The following PIK3C2G variants were observed in gnomAD, a reference collection of about 807,000 sequenced individuals.
PIK3C2G encodes phosphatidylinositol-4-phosphate 3-kinase catalytic subunit type 2 gamma.
Under a neutral mutation model 181.1 loss-of-function variants are expected in PIK3C2G, and 168 were observed. That is an observed-to-expected ratio of 0.93 (90% CI 0.82 to 1.05). The LOEUF (loss-of-function observed/expected upper bound fraction) is 1.05, where lower values mean the gene tolerates loss of function less well. Among genes scored for constraint, PIK3C2G ranks in the 50% least tolerant of loss-of-function variants. The pLI is 0.00. For missense variants in PIK3C2G, 1,869 were observed against 1,732.8 expected, an observed-to-expected ratio of 1.08 and a Z score of -1.40; for synonymous variants, 573 against 592.2, an observed-to-expected ratio of 0.97 and a Z score of 0.47.
Position 18,521,833 on chromosome 12 carries a change from G to T in PIK3C2G, c.3324-16323G>T, listed in dbSNP as rs115908115. 5.2e-3 allele frequency among the ~76,000 whole-genome samples: 792 copies of T among 152,342 alleles called. 7 individuals carry two copies. Among genetic ancestry groups the T allele is most frequent in the African/African-American group, 0.018 (759 of 41,580 alleles). ...CAGCAGGCTTAAGCAGATTTTAGCC[G>T]AGTGGCTGTTGAGAATCTGTGCGGC... On this transcript the variant is annotated intron_variant, in intron 24 of 32. Coordinates refer to ENST00000538779, the MANE Select transcript of PIK3C2G (RefSeq NM_001288772.2).
chr12:18,290,543 G>C (rs559414724), intron 3 of PIK3C2G, among the ~76,000 whole-genome samples: 1 of 152,270 alleles, frequency 6.6e-6, no homozygotes, highest in Non-Finnish European at 1.5e-5. Context: ...AATGAAGCAA[G>C]TAATAATATT....
At chr12:18,651,408 C>A (rs756829000), downstream of PIK3C2G, among the ~76,000 whole-genome samples, 18 of 152,136 alleles carry the variant, frequency 1.2e-4, no homozygotes, top group Admixed American at 5.2e-4. Context: ...ATGCACTTAT[C>A]ATCTTTGAAT....
chr12:18,367,049 C>T (rs1365682529), intron 12 of PIK3C2G, among the ~76,000 whole-genome samples: 2 of 151,954 alleles, frequency 1.3e-5, no homozygotes, highest in African/African-American at 4.8e-5. Flanking sequence ...AAAAAAAGCT[C>T]ACTAACAAGT....
At chr12:18,684,266 T>A in the PIK3C2G span, 1 of 1,608,132 alleles carries the variant, frequency 6.2e-7, no homozygotes, top group Non-Finnish European at 8.5e-7. Context: ...TTTCATTCCA[T>A]CTTGGACTAA....
chr12:18,395,854 A>AC (rs1185679251), intron 15 of PIK3C2G, among the ~76,000 whole-genome samples: 2 of 151,548 alleles, frequency 1.3e-5, no homozygotes, highest in African/African-American at 4.8e-5. Flanking sequence ...GGAAAACCAC[A>AC]CCCCTTAAAT....
At chr12:18,318,800 A>C (rs1368903800) in intron 6 of PIK3C2G, among the ~76,000 whole-genome samples, 1 of 151,870 alleles carries the variant, frequency 6.6e-6, no homozygotes, top group Admixed American at 6.6e-5. Context: ...TGTTCTAAAA[A>C]AAAAAAAAAG....
chr12:18,653,058 G>A (rs958902820), downstream of PIK3C2G, among the ~76,000 whole-genome samples: 46 of 151,928 alleles, frequency 3.0e-4, no homozygotes, highest in African/African-American at 7.7e-4. Flanking sequence ...AAGTCTCCTC[G>A]AAACTTCTGC....
At chr12:18,568,206 G>A (rs531383958) in intron 29 of PIK3C2G, among the ~76,000 whole-genome samples, 2 of 152,226 alleles carry the variant, frequency 1.3e-5, no homozygotes, top group East Asian at 1.9e-4. Context: ...CTTTTGGTAG[G>A]GGGTATTATT....
At chr12:18,552,508 C>T (rs916951865) in intron 26 of PIK3C2G, among the ~76,000 whole-genome samples, 1 of 151,832 alleles carries the variant, frequency 6.6e-6, no homozygotes, top group Non-Finnish European at 1.5e-5. Flanking sequence ...ATAAACACTA[C>T]CAAGGGGAGA....
chr12:18,489,310 A>C (rs1368635412), intron 19 of PIK3C2G, among the ~76,000 whole-genome samples: 1 of 152,146 alleles, frequency 6.6e-6, no homozygotes, highest in African/African-American at 2.4e-5. Context: ...ATAATAATTA[A>C]CTACCTACTA....
At chr12:18,266,108 T>C (rs1181517840) in intron 1 of PIK3C2G, among the ~76,000 whole-genome samples, 2 of 150,692 alleles carry the variant, frequency 1.3e-5, no homozygotes, top group African/African-American at 4.9e-5. Flanking sequence ...ATATTTATCA[T>C]CATTAGATGT....
At chr12:18,556,063 C>A (rs1466519657) in intron 26 of PIK3C2G, among the ~76,000 whole-genome samples, 2 of 152,108 alleles carry the variant, frequency 1.3e-5, no homozygotes, top group Non-Finnish European at 2.9e-5. Context: ...TACCTCCCAG[C>A]ACATAGAATA....
intron 29 of PIK3C2G, among the ~76,000 whole-genome samples, chr12:18,572,720 AC>A (rs1946023719): frequency 6.6e-6 from 1 of 151,982 alleles, no homozygotes; most frequent in Admixed American, 6.6e-5. Flanking sequence ...TATATGTTAA[AC>A]CTTTTCACTA....
At chr12:18,364,892 A>G (rs1941528985) in intron 12 of PIK3C2G, among the ~76,000 whole-genome samples, 1 of 152,260 alleles carries the variant, frequency 6.6e-6, no homozygotes, top group Non-Finnish European at 1.5e-5. Context: ...AAAACAAACA[A>G]ACAAACAAAC....
chr12:18,328,558 C>A (rs189047552), intron 8 of PIK3C2G, among the ~76,000 whole-genome samples: 1 of 151,982 alleles, frequency 6.6e-6, no homozygotes, highest in Admixed American at 6.6e-5. Flanking sequence ...AATTTAGGAG[C>A]AGAGATTCCA....
chr12:18,602,652 G>A (rs1947797660), intron 30 of PIK3C2G, among the ~76,000 whole-genome samples: 1 of 152,054 alleles, frequency 6.6e-6, no homozygotes. Flanking sequence ...CAAAACAGAT[G>A]CTGGTATCCA....
At chr12:18,397,289 TA>T (rs1359794213) in intron 15 of PIK3C2G, among the ~76,000 whole-genome samples, 2 of 152,028 alleles carry the variant, frequency 1.3e-5, no homozygotes, top group African/African-American at 4.8e-5. Context: ...AATAACTATT[TA>T]AAAGTTTCTG....
upstream of PIK3C2G, among the ~76,000 whole-genome samples, chr12:18,257,939 C>T (rs557479236): frequency 3.6e-4 from 55 of 152,156 alleles, no homozygotes; most frequent in South Asian, 3.3e-3. Context: ...TTTACCTGTA[C>T]AAATACAACT....
At chr12:18,364,625 G>A (rs1036638875) in intron 12 of PIK3C2G, among the ~76,000 whole-genome samples, 9 of 152,062 alleles carry the variant, frequency 5.9e-5, no homozygotes, top group African/African-American at 2.2e-4. Flanking sequence ...CAACCCAGGT[G>A]CGGTGGCCAC....
Sources: allele counts gnomAD v4.1 joint callset (sites outside exome capture counted in the v4.1 genomes callset), GRCh38; gene constraint gnomAD v4.1.1; transcripts MANE v1.5; gene names NCBI Gene and HGNC (gene_info 2026-07-23, HGNC 2026-07-21).